CDH12: variants seen among roughly 807,000 people sequenced by gnomAD.
The protein encoded by CDH12 is cadherin 12, also known as cadherin-12.
In CDH12, 41 loss-of-function variants were observed where a neutral mutation model predicts 74.1. The ratio of observed to expected loss-of-function variants is 0.55; its 90% CI spans 0.43 to 0.72. CDH12 has a LOEUF of 0.72. Ranked by LOEUF, CDH12 falls within the 30% of genes least tolerant of loss-of-function variation. The probability of loss-of-function intolerance (pLI) is 0.00; values close to 1 mark genes in which losing one functional copy is unlikely to be tolerated. For missense variants in CDH12, 945 were observed against 977.2 expected, an observed-to-expected ratio of 0.97 and a Z score of 0.44; for synonymous variants, 399 against 355.0, an observed-to-expected ratio of 1.12 and a Z score of -1.39.
intron 6 of CDH12, among the ~76,000 whole-genome samples, chr5:21,857,862 C>T (rs1438013235): frequency 1.3e-5 from 2 of 151,814 alleles, no homozygotes; most frequent in East Asian, 1.9e-4. Flanking sequence ...AGTTTGAGAT[C>T]AAAGAGCAGA....
At chr5:21,789,135 C>T (rs1746354192) in intron 10 of CDH12, among the ~76,000 whole-genome samples, 2 of 151,794 alleles carry the variant, frequency 1.3e-5, no homozygotes, top group South Asian at 4.2e-4. Flanking sequence ...AGAAATGTTT[C>T]TTCTATGTAG....
chr5:22,580,509 G>C (rs937627504), intron 1 of CDH12: 3 of 480,282 alleles, frequency 6.2e-6, no homozygotes, highest in Middle Eastern at 3.4e-4. Flanking sequence ...GAGTGAGCCG[G>C]GGACTTCAGG....
At chr5:22,499,744 A>T (rs1336819633) in intron 2 of CDH12, among the ~76,000 whole-genome samples, 1 of 152,162 alleles carries the variant, frequency 6.6e-6, no homozygotes, top group African/African-American at 2.4e-5. Flanking sequence ...AGTATCTGGC[A>T]TGTTATTCTG....
intron 5 of CDH12, among the ~76,000 whole-genome samples, chr5:21,997,955 T>C (rs1309604336): frequency 6.6e-6 from 1 of 152,124 alleles, no homozygotes; most frequent in East Asian, 1.9e-4. Context: ...ATTTGAGGGA[T>C]GAGAATGTGT....
chr5:22,452,274 G>GA (rs1450339947), intron 2 of CDH12, among the ~76,000 whole-genome samples: 3 of 151,718 alleles, frequency 2.0e-5, no homozygotes, highest in Non-Finnish European at 2.9e-5. Flanking sequence ...ACAACCTTGA[G>GA]AAAAAAGAGC....
intron 2 of CDH12, among the ~76,000 whole-genome samples, chr5:22,412,109 T>C (rs1561383568): frequency 6.6e-6 from 1 of 152,006 alleles, no homozygotes; most frequent in Non-Finnish European, 1.5e-5. Context: ...CAAATTTTGA[T>C]CATCTTTCCA....
intron 5 of CDH12, among the ~76,000 whole-genome samples, chr5:21,993,251 C>T (rs1374617797): frequency 6.6e-6 from 1 of 152,122 alleles, no homozygotes; most frequent in Non-Finnish European, 1.5e-5. Flanking sequence ...ATGTAACCTA[C>T]AGAGTAGTAG....
chr5:22,344,074 T>C (rs917346626), intron 3 of CDH12, among the ~76,000 whole-genome samples: 1 of 152,194 alleles, frequency 6.6e-6, no homozygotes, highest in African/African-American at 2.4e-5. Flanking sequence ...TATGGTTTTC[T>C]GCTTACAGGA....
chr5:22,496,182 A>T (rs1222849609), intron 2 of CDH12, among the ~76,000 whole-genome samples: 1 of 152,184 alleles, frequency 6.6e-6, no homozygotes, highest in Non-Finnish European at 1.5e-5. Flanking sequence ...TGTGCTTGGC[A>T]CTTCTACAGT....
intron 4 of CDH12, among the ~76,000 whole-genome samples, chr5:22,159,999 G>A (rs920328888): frequency 3.9e-5 from 6 of 151,986 alleles, no homozygotes; most frequent in South Asian, 2.1e-4. Flanking sequence ...GGTAATAGAC[G>A]GAGTAAAAAT....
intron 3 of CDH12, among the ~76,000 whole-genome samples, chr5:22,245,888 C>T (rs1580443698): frequency 6.6e-6 from 1 of 152,012 alleles, no homozygotes; most frequent in East Asian, 1.9e-4. Context: ...AATTTAAATT[C>T]ATTGTTTTTG....
chr5:21,967,560 G>GA (rs1042240856), intron 6 of CDH12, among the ~76,000 whole-genome samples: 1 of 151,598 alleles, frequency 6.6e-6, no homozygotes, highest in South Asian at 2.1e-4. Context: ...TGGTGGTTTC[G>GA]AAAAAAAAGA....
chr5:22,325,687 C>T (rs552282152), intron 3 of CDH12, among the ~76,000 whole-genome samples: 155 of 152,176 alleles, frequency 1.0e-3, no homozygotes, highest in Non-Finnish European at 1.7e-3. Context: ...GAGATCGAGA[C>T]CATCCTGGCT....
At chr5:22,734,280 T>C (rs1744576285) in intron 1 of CDH12, among the ~76,000 whole-genome samples, 1 of 151,922 alleles carries the variant, frequency 6.6e-6, no homozygotes, top group Non-Finnish European at 1.5e-5. Context: ...GTTCAGAATT[T>C]GGCTATAGCA....
chr5:22,573,410 T>C (rs114738910), intron 1 of CDH12, among the ~76,000 whole-genome samples: 1,967 of 152,224 alleles, frequency 0.013, 37 homozygotes, highest in African/African-American at 0.045. Flanking sequence ...ATTAATTGCA[T>C]TACAGTTTAT....
Position 22,600,195 on chromosome 5 carries a change from A to ATTAAATAAGTTACTATATG in CDH12, c.-522-94850_-522-94832dup, listed in dbSNP as rs556322903. On this transcript the variant is annotated intron_variant, in intron 1 of 14. Coordinates refer to ENST00000382254, the MANE Select transcript of CDH12 (RefSeq NM_004061.5). ...CCTGTTGTATAAGATTATTATAAGC[A>ATTAAATAAGTTACTATATG]TTAAATAAGTTACTATATGTGAAGC... Among the ~76,000 whole-genome samples the ATTAAATAAGTTACTATATG allele has an allele frequency of 7.9e-5, 12 of 152,266 alleles. No homozygotes were observed. In the East Asian group the frequency reaches 1.5e-3, roughly 20 times the overall value.
At chr5:21,782,568 G>A (rs1053880653) in intron 11 of CDH12, among the ~76,000 whole-genome samples, 1 of 152,136 alleles carries the variant, frequency 6.6e-6, no homozygotes, top group Non-Finnish European at 1.5e-5. Flanking sequence ...AAAGAAGAAG[G>A]AAGCAAATGG....
At chr5:22,735,074 T>C (rs1237103537) in intron 1 of CDH12, among the ~76,000 whole-genome samples, 1 of 151,926 alleles carries the variant, frequency 6.6e-6, no homozygotes, top group Non-Finnish European at 1.5e-5. Flanking sequence ...TTGCTGAATC[T>C]GCAATTTATA....
Position 22,442,227 on chromosome 5 carries a change from C to T in CDH12, c.-427-36876G>A, listed in dbSNP as rs142850649. On this transcript the variant is annotated intron_variant, in intron 2 of 14. Coordinates refer to ENST00000382254, the MANE Select transcript of CDH12 (RefSeq NM_004061.5). The stretch of plus-strand genomic sequence containing the variant: ...GCATTAGTATCAAAAACTTTAATTG[C>T]TTAGTTTATGGCAGCATAAAGAGGA... Among the ~76,000 whole-genome samples the T allele has an allele frequency of 7.0e-3, 1,062 of 152,156 alleles. 10 individuals carry two copies. Among genetic ancestry groups the T allele is most frequent in the African/African-American group, 0.025 (1,022 of 41,510 alleles).
Sources: allele counts gnomAD v4.1 joint callset (sites outside exome capture counted in the v4.1 genomes callset), GRCh38; gene constraint gnomAD v4.1.1; transcripts MANE v1.5; gene names NCBI Gene and HGNC (gene_info 2026-07-23, HGNC 2026-07-21).